Variants in EPB41 observed in about 807,000 individuals in gnomAD.
The protein encoded by EPB41 is protein 4.1.
In EPB41, 65 loss-of-function variants were observed where a neutral mutation model predicts 108.0. The ratio of observed to expected loss-of-function variants is 0.60; its 90% CI spans 0.49 to 0.74. EPB41 has a LOEUF of 0.74. Ranked by LOEUF, EPB41 falls within the 30% of genes least tolerant of loss-of-function variation. The probability of loss-of-function intolerance (pLI) is 0.00; values close to 1 mark genes in which losing one functional copy is unlikely to be tolerated. For missense variants in EPB41, 875 were observed against 1,037.0 expected (o/e 0.84, Z 2.15); for synonymous variants, 336 against 358.9 (o/e 0.94, Z 0.72).
rs756894056 is a variant in EPB41 at position 28,993,414 on chromosome 1, AAAG to A, written c.559_561del (p.Glu187del). On this transcript the variant is annotated inframe_deletion, in exon 3 of 21. Coordinates refer to ENST00000343067, the MANE Select transcript of EPB41 (RefSeq NM_001376013.1). ...TGAAGAGTGCTCCAAAATAGAAGTAAAAGAAGAAAGCCCTCAATCAAAAGCAGA... is the reference window on the plus strand; with the variant it reads ...TGAAGAGTGCTCCAAAATAGAAGTAAAAGAAAGCCCTCAATCAAAAGCAGA... The A allele has an allele frequency of 1.2e-6, 2 of 1,614,038 alleles. No homozygotes were observed. The highest frequency in any genetic ancestry group is 3.3e-5 in the Admixed American group (2 of 60,018).
rs2095901397 is a variant in EPB41 at position 28,987,750 on chromosome 1, G to A, written c.313G>A (p.Asp105Asn). 1 of 1,614,046 alleles carries A rather than the reference G, an allele frequency of 6.2e-7. No individual in the cohort carries two copies. ...SEEEGKEVESDKEKGEGGQKE... is the reference protein window; with the variant it reads ...SEEEGKEVESNKEKGEGGQKE... The stretch of plus-strand genomic sequence containing the variant: ...GGAAGAAGGCAAAGAAGTAGAGTCA[G>A]ATAAAGAAAAAGGTGAAGGAGGTCA... Residue 105 changes from aspartate (D) to asparagine (N), a missense_variant, in exon 2 of 21, where the codon GAT (aspartate) becomes AAT (asparagine). Physicochemically the swap from Asp to Asn is conservative, Grantham distance 23. Coordinates refer to ENST00000343067, the MANE Select transcript of EPB41 (RefSeq NM_001376013.1).
chr1:28,889,920 A>C (rs1378057041), intron 1 of EPB41: 1 of 829,574 alleles, frequency 1.2e-6, no homozygotes, highest in Non-Finnish European at 1.5e-6. Context: ...GAGATTTGTT[A>C]GGGGTTTGCA....
chr1:28,944,173 C>T (rs1440366957), intron 1 of EPB41, among the ~76,000 whole-genome samples: 3 of 151,770 alleles, frequency 2.0e-5, no homozygotes, highest in Non-Finnish European at 2.9e-5. Flanking sequence ...ATTGAACTCA[C>T]GGACAGAGAG....
chr1:28,961,984 A>T (rs1189267801), intron 1 of EPB41, among the ~76,000 whole-genome samples: 1 of 150,902 alleles, frequency 6.6e-6, no homozygotes, highest in Non-Finnish European at 1.5e-5. Context: ...TTTTGCTCTT[A>T]TTCCTAAATT....
intron 16 of EPB41, among the ~76,000 whole-genome samples, chr1:29,084,500 T>C (rs1175044): frequency 0.13 from 19,632 of 152,166 alleles, 1,795 homozygotes; most frequent in African/African-American, 0.27. Flanking sequence ...ATGTAGTGGA[T>C]TGGGGATTAC....
chr1:28,944,675 T>G (rs1031328698), intron 1 of EPB41, among the ~76,000 whole-genome samples: 2 of 151,920 alleles, frequency 1.3e-5, no homozygotes, highest in African/African-American at 4.8e-5. Context: ...TAGCTGGGAT[T>G]ACAGGCATGT....
At chr1:28,983,849 T>G (rs1402151011) in intron 1 of EPB41, among the ~76,000 whole-genome samples, 1 of 152,172 alleles carries the variant, frequency 6.6e-6, no homozygotes, top group Admixed American at 6.5e-5. Flanking sequence ...GGTGCTGCCC[T>G]CTGCCAGTGA....
intron 11 of EPB41, among the ~76,000 whole-genome samples, chr1:29,047,367 A>G (rs1643569893): frequency 6.8e-6 from 1 of 146,870 alleles, no homozygotes; most frequent in African/African-American, 2.5e-5. Flanking sequence ...CTCCCACCTC[A>G]GCGTCCTGAG....
At chr1:28,901,170 C>A (rs1040611359) in intron 1 of EPB41, among the ~76,000 whole-genome samples, 5 of 151,926 alleles carry the variant, frequency 3.3e-5, no homozygotes, top group African/African-American at 1.2e-4. Flanking sequence ...ACCTTGTGAT[C>A]CGCCCGCCTT....
At chr1:29,094,270 A>AT (rs916919109) in intron 16 of EPB41, among the ~76,000 whole-genome samples, 5 of 150,302 alleles carry the variant, frequency 3.3e-5, no homozygotes, top group East Asian at 3.9e-4. Context: ...TTGTTTTCTT[A>AT]TTTTTTTTCT....
chr1:29,025,167 C>T, intron 7 of EPB41, among the ~76,000 whole-genome samples: 1 of 152,050 alleles, frequency 6.6e-6, no homozygotes, highest in South Asian at 2.1e-4. Flanking sequence ...AAATTAATTG[C>T]CCTCCATTTA....
chr1:28,910,187 A>T (rs78603821), upstream of EPB41, among the ~76,000 whole-genome samples: 1,131 of 152,292 alleles, frequency 7.4e-3, 10 homozygotes, highest in African/African-American at 0.026. Context: ...ATAGTGACTT[A>T]CATTTTTTCT....
At chr1:28,938,740 C>G (rs1158078658) in intron 1 of EPB41, among the ~76,000 whole-genome samples, 1 of 152,086 alleles carries the variant, frequency 6.6e-6, no homozygotes, top group East Asian at 1.9e-4. Context: ...GCCATGTTGC[C>G]CAGGCTGGTC....
chr1:28,967,071 T>C (rs1423010433), intron 1 of EPB41, among the ~76,000 whole-genome samples: 1 of 130,652 alleles, frequency 7.7e-6, no homozygotes, highest in Non-Finnish European at 1.5e-5. Context: ...CAGGCTGGAG[T>C]GCAGTGGCAT....
rs543783100 is a variant in EPB41, at chr1:29,092,885, G to A, written c.2185-4922G>A. ...GTGTTCCTGCAAAGGACATGAGCTC[G>A]TTCTTTTTTATGGCTGCATAGTATT... is the stretch of plus-strand genomic sequence containing the variant. On this transcript the variant is annotated intron_variant, in intron 16 of 20. Coordinates refer to ENST00000343067, the MANE Select transcript of EPB41 (RefSeq NM_001376013.1). 3.5e-4 allele frequency among the ~76,000 whole-genome samples: 53 copies of A among 152,190 alleles called. No homozygotes were observed. In the South Asian group the frequency reaches 0.011, roughly 30 times the overall value.
intron 20 of EPB41, among the ~76,000 whole-genome samples, chr1:29,116,390 C>G (rs1443153414): frequency 6.6e-6 from 1 of 152,094 alleles, no homozygotes; most frequent in African/African-American, 2.4e-5. Context: ...CTCAAATGAT[C>G]CACCTGGCTT....
intron 19 of EPB41, among the ~76,000 whole-genome samples, 155 bp downstream of exon 19, chr1:29,112,603 G>A (rs1047394203): frequency 1.3e-5 from 2 of 152,162 alleles, no homozygotes; most frequent in Admixed American, 6.6e-5. Context: ...AAAGTAAGAG[G>A]CCTGTGGGAT....
At chr1:29,031,104 C>G (rs953109085) in intron 8 of EPB41, among the ~76,000 whole-genome samples, 2 of 152,248 alleles carry the variant, frequency 1.3e-5, no homozygotes, top group East Asian at 3.9e-4. Flanking sequence ...CCACCGTGCC[C>G]GGCCTCTTGT....
intron 1 of EPB41, among the ~76,000 whole-genome samples, chr1:28,936,626 A>G (rs1327501721): frequency 1.3e-5 from 2 of 152,160 alleles, no homozygotes; most frequent in Non-Finnish European, 2.9e-5. Flanking sequence ...TGAACATTTC[A>G]CATAAATGGA....
Sources: gnomAD v4.1 joint callset for allele counts (sites outside exome capture counted in the v4.1 genomes callset) on GRCh38, gnomAD v4.1.1 for gene constraint, MANE v1.5 for transcripts, NCBI Gene and HGNC (gene_info 2026-07-23, HGNC 2026-07-21) for gene names.